MEI1: variants seen among roughly 807,000 people sequenced by gnomAD.
MEI1 encodes meiotic double-stranded break formation protein 1, also known as meiosis inhibitor protein 1.
In MEI1, 103 loss-of-function variants were observed where a neutral mutation model predicts 146.2. The observed-to-expected ratio is 0.70, with a 90% confidence interval of 0.60 to 0.83. MEI1 has a LOEUF of 0.83. Ranked by LOEUF, MEI1 falls within the 40% of genes least tolerant of loss-of-function variation. The pLI, the probability that MEI1 is intolerant of heterozygous loss-of-function variation, is 0.00. For synonymous variants in MEI1, 652 were observed against 628.2 expected, an observed-to-expected ratio of 1.04 and a Z score of -0.57; for missense variants, 1,529 against 1,533.0, an observed-to-expected ratio of 1.00 and a Z score of 0.04.
Position 41,745,009 on chromosome 22 carries a change from C to T in MEI1, c.1483C>T (p.Leu495Phe), listed in dbSNP as rs778077310. The change falls in exon 13 of 31, where the codon CTT (leucine) becomes TTT (phenylalanine). Residue 495 changes from leucine to phenylalanine, a missense_variant. By Grantham distance (22) the Leu-to-Phe change is conservative. Coordinates refer to ENST00000401548, the MANE Select transcript of MEI1 (RefSeq NM_152513.4). ...ASSRDSEKAI[L>F]QRGKFLLSTL... ...CAGTAGAGATTCAGAGAAGGCCATT[C>T]TTCAAAGGGGAAAGTTCCTCCTCAG... 1.3e-6 allele frequency: 2 copies of T among 1,566,210 alleles called. No individual in the cohort carries two copies. The highest frequency in any genetic ancestry group is 1.7e-6 in the Non-Finnish European group (2 of 1,154,750).
At chr22:41,764,610 A>G (rs553112278) in intron 19 of MEI1, among the ~76,000 whole-genome samples, 24 of 152,238 alleles carry the variant, frequency 1.6e-4, no homozygotes, top group Non-Finnish European at 2.6e-4. Flanking sequence ...GCAATATTCT[A>G]TGAAATAGGT....
At chr22:41,722,065 G>A (rs576142755) in intron 6 of MEI1, 2 of 146,480 alleles carry the variant, frequency 1.4e-5, no homozygotes, top group Admixed American at 1.4e-4. Flanking sequence ...CCCTATGCAT[G>A]TTTGTCAGAC....
At position 41,713,939 on chromosome 22, in the gene MEI1, C is replaced by T. The variant is rs115255901; in HGVS notation, c.350-63C>T. On this transcript the variant is annotated intron_variant, in intron 3 of 30. Transcript: ENST00000401548. ...TCCTGCACTGATTGAGTAGAAGGGC[C>T]ATGGAAGGTGGACTCTGGGTTGGGG... The T allele has an allele frequency of 2.8e-4, 380 of 1,346,038 alleles. No individual in the cohort carries two copies. In the African/African-American group the frequency reaches 5.1e-3, roughly 18 times the overall value. The allele number at this position is 1,346,038 out of a possible 1,614,324, so 83.4% of individuals were successfully genotyped here. A position where few individuals can be genotyped will look rare whatever the true frequency, so the allele number is the denominator to read the frequency against.
At chr22:41,769,476 A>T (rs143435735) in intron 19 of MEI1, among the ~76,000 whole-genome samples, 4 of 148,246 alleles carry the variant, frequency 2.7e-5, no homozygotes, top group East Asian at 4.0e-4. Flanking sequence ...ATATTAAGGA[A>T]TTTTTTTTTT....
intron 6 of MEI1, among the ~76,000 whole-genome samples, chr22:41,721,136 A>G (rs2070747511): frequency 2.1e-5 from 3 of 143,042 alleles, no homozygotes; most frequent in African/African-American, 8.0e-5. Flanking sequence ...GATGGTCTCG[A>G]TCTCTTGACT....
rs2074634304 is a variant in MEI1 at position 41,763,403 on chromosome 22, T to C, written c.2268+82T>C. 2.7e-6 allele frequency: 4 copies of C among 1,493,890 alleles called. No individual in the cohort carries two copies. In the South Asian group the frequency reaches 5.0e-5, roughly 19 times the overall value. The allele number at this position is 1,493,890 out of a possible 1,614,324, so 92.5% of individuals were successfully genotyped here. On this transcript the variant is annotated intron_variant, in intron 19 of 30. Transcript: ENST00000401548. ...CCCTGGGAGACCATGATGATGATAGTGTATAGACAAGCGGGTGGTAGAGAG... is the reference window on the plus strand; with the variant it reads ...CCCTGGGAGACCATGATGATGATAGCGTATAGACAAGCGGGTGGTAGAGAG...
intron 3 of MEI1, chr22:41,709,400 C>T: frequency 1.4e-6 from 1 of 710,448 alleles, no homozygotes; most frequent in Admixed American, 1.8e-5. Context: ...GCAGATTTTG[C>T]AGACAACCTT....
rs548340191 is a variant in MEI1 at position 41,751,797 on chromosome 22, C to T, written c.1793-794C>T. Among the ~76,000 whole-genome samples, 33 of 137,406 alleles carry T rather than the reference C, an allele frequency of 2.4e-4. No individual in the cohort carries two copies. The South Asian group carries it at 7.4e-3, about 31-fold the overall frequency. 90.1% of individuals were successfully genotyped at this position (137,406 alleles called of 152,430 possible). The stretch of plus-strand genomic sequence containing the variant: ...TAAAAAAAAAAAAAAAAAGGCCAGG[C>T]GCAGTGGGTCACACCTGTAATCCCA... On this transcript the variant is annotated intron_variant, in intron 15 of 30. Transcript: ENST00000401548.
intron 8 of MEI1, among the ~76,000 whole-genome samples, chr22:41,730,304 T>C (rs1027746644): frequency 1.3e-5 from 2 of 152,216 alleles, no homozygotes; most frequent in Non-Finnish European, 2.9e-5. Flanking sequence ...TCTCTGGGAC[T>C]CAGTTTCCCC....
At chr22:41,798,290 T>TG (rs761620848) in intron 30 of MEI1, among the ~76,000 whole-genome samples, 1 of 151,988 alleles carries the variant, frequency 6.6e-6, no homozygotes, top group Non-Finnish European at 1.5e-5. Flanking sequence ...TAAGAAAGCT[T>TG]GGATGGCCGG....
intron 6 of MEI1, among the ~76,000 whole-genome samples, chr22:41,721,276 G>A (rs1264019964): frequency 3.1e-4 from 38 of 121,158 alleles, no homozygotes; most frequent in African/African-American, 1.2e-3. Context: ...ACGGAGTCTC[G>A]CTCTGTCACC....
At chr22:41,798,116 A>AACACACACACAC (rs60766866) in intron 30 of MEI1, among the ~76,000 whole-genome samples, 17 of 135,914 alleles carry the variant, frequency 1.3e-4, no homozygotes, top group South Asian at 5.1e-4. Context: ...TCCTCAGCCC[A>AACACACACACAC]ACACACACAC....
At chr22:41,742,527 T>C (rs1005568622) in intron 11 of MEI1, among the ~76,000 whole-genome samples, 1 of 152,210 alleles carries the variant, frequency 6.6e-6, no homozygotes, top group Non-Finnish European at 1.5e-5. Flanking sequence ...TTGGCATACA[T>C]TATCGAATTT....
intron 7 of MEI1, among the ~76,000 whole-genome samples, chr22:41,727,674 A>C (rs564422274): frequency 1.1e-3 from 160 of 152,278 alleles, no homozygotes; most frequent in African/African-American, 3.6e-3. Flanking sequence ...GTATAGTCAT[A>C]CTCATAGCTA....
chr22:41,715,096 A>C (rs1021645574), intron 4 of MEI1, among the ~76,000 whole-genome samples: 2 of 152,172 alleles, frequency 1.3e-5, no homozygotes, highest in Non-Finnish European at 2.9e-5. Flanking sequence ...TATATATATC[A>C]GTGCTTATGA....
intron 13 of MEI1, among the ~76,000 whole-genome samples, chr22:41,745,420 T>A (rs2073212368): frequency 6.6e-6 from 1 of 152,208 alleles, no homozygotes; most frequent in African/African-American, 2.4e-5. Context: ...TTGTATCTAC[T>A]GTGTGCCATG....
At chr22:41,741,178 C>T (rs6519282) in intron 11 of MEI1, among the ~76,000 whole-genome samples, 1,833 of 152,224 alleles carry the variant, frequency 0.012, 38 homozygotes, top group Admixed American at 0.058. Context: ...GGGCTGCATG[C>T]GGCCTGTGGG....
chr22:41,786,501 C>T (rs1008301402), intron 26 of MEI1, among the ~76,000 whole-genome samples: 6 of 152,240 alleles, frequency 3.9e-5, no homozygotes, highest in African/African-American at 1.4e-4. Flanking sequence ...TTGCATTCCT[C>T]ACTGTCAGCT....
chr22:41,773,833 C>T (rs1409729146), intron 20 of MEI1, among the ~76,000 whole-genome samples: 1 of 152,164 alleles, frequency 6.6e-6, no homozygotes, highest in Non-Finnish European at 1.5e-5. Flanking sequence ...CAAGATCGAG[C>T]CACTGCACTC....
Sources: allele counts gnomAD v4.1 joint callset (sites outside exome capture counted in the v4.1 genomes callset), GRCh38; gene constraint gnomAD v4.1.1; transcripts MANE v1.5; gene names NCBI Gene and HGNC (gene_info 2026-07-23, HGNC 2026-07-21).